Variants in DRC9 observed in about 807,000 individuals in gnomAD.
DRC9 encodes dynein regulatory complex protein 9.
the DRC9 span, among the ~76,000 whole-genome samples, chr3:197,935,302 T>C: frequency 1.3e-5 from 2 of 151,806 alleles, no homozygotes; most frequent in Non-Finnish European, 2.9e-5. Flanking sequence ...TAACCAGGCG[T>C]GGTGACGCAC....
At chr3:197,891,538 ACT>A in the DRC9 span, 1 of 1,578,644 alleles carries the variant, frequency 6.3e-7, no homozygotes, top group Non-Finnish European at 8.7e-7. Flanking sequence ...ACCTGTTCAT[ACT>A]CTCTTATCTG....
the DRC9 span, among the ~76,000 whole-genome samples, chr3:197,921,816 T>A: frequency 2.1e-5 from 3 of 144,838 alleles, no homozygotes; most frequent in Non-Finnish European, 4.4e-5. Flanking sequence ...TTTCAGTAAC[T>A]CTGGGGATTT....
chr3:197,902,311 C>T, the DRC9 span, among the ~76,000 whole-genome samples: 63 of 152,212 alleles, frequency 4.1e-4, no homozygotes, highest in Admixed American at 3.5e-3. Context: ...GCCCATATAC[C>T]GATGAACATC....
the DRC9 span, among the ~76,000 whole-genome samples, chr3:197,937,429 C>G: frequency 6.6e-6 from 1 of 151,800 alleles, no homozygotes; most frequent in East Asian, 1.9e-4. Flanking sequence ...AACCCTTACA[C>G]TAAGGTTGCA....
At chr3:197,955,953 AT>A in the DRC9 span, 1 of 620,530 alleles carries the variant, frequency 1.6e-6, no homozygotes, top group Non-Finnish European at 2.9e-6. Context: ...GAGTACAGAG[AT>A]TTAGAAGGGA....
chr3:197,956,800 TTTAG>T, the DRC9 span: 6 of 152,224 alleles, frequency 3.9e-5, no homozygotes, highest in African/African-American at 1.4e-4. Context: ...CAGTTAACTT[TTTAG>T]TTATTTGTGG....
At chr3:197,952,177 T>G in the DRC9 span, among the ~76,000 whole-genome samples, 4 of 140,552 alleles carry the variant, frequency 2.8e-5, no homozygotes, top group South Asian at 2.4e-4. Context: ...TTTTTTTTTT[T>G]TTTTTTTTTT....
chr3:197,912,941 G>C, the DRC9 span: 2 of 595,830 alleles, frequency 3.4e-6, no homozygotes, highest in Admixed American at 5.9e-5. Context: ...TGGACTGCGT[G>C]TGTCCCTAAC....
the DRC9 span, among the ~76,000 whole-genome samples, chr3:197,921,167 T>C: frequency 2.3e-5 from 3 of 128,810 alleles, no homozygotes; most frequent in East Asian, 6.5e-4. Context: ...CCTGATTTCA[T>C]CTTGGTCGAC....
At chr3:197,891,563 T>C in the DRC9 span, 5 of 1,399,594 alleles carry the variant, frequency 3.6e-6, no homozygotes, top group Non-Finnish European at 5.1e-6. Flanking sequence ...AAGATAGACA[T>C]TCATCATTTA....
chr3:197,897,735 G>A, the DRC9 span, among the ~76,000 whole-genome samples: 6 of 150,048 alleles, frequency 4.0e-5, no homozygotes, highest in African/African-American at 1.2e-4. Context: ...CCATAAATCC[G>A]AATAAGAGCT....
the DRC9 span, among the ~76,000 whole-genome samples, chr3:197,948,611 C>T: frequency 2.0e-5 from 3 of 152,200 alleles, no homozygotes; most frequent in African/African-American, 7.2e-5. Context: ...TTTGACAAAT[C>T]AATATCTAAT....
chr3:197,913,398 A>G, the DRC9 span: 2 of 256,950 alleles, frequency 7.8e-6, no homozygotes, highest in East Asian at 1.9e-4. Context: ...AAGAAGATCT[A>G]CCACTTCTTT....
chr3:197,934,842 G>A, the DRC9 span, among the ~76,000 whole-genome samples: 1 of 144,738 alleles, frequency 6.9e-6, no homozygotes, highest in African/African-American at 2.6e-5. Context: ...AAAAAAGGCT[G>A]GTCATGGTGG....
the DRC9 span, among the ~76,000 whole-genome samples, chr3:197,946,909 G>A: frequency 6.6e-6 from 1 of 151,860 alleles, no homozygotes. Flanking sequence ...TGCAACCTCT[G>A]CCTCCCAGGT....
chr3:197,935,313 G>T, the DRC9 span, among the ~76,000 whole-genome samples: 2 of 151,862 alleles, frequency 1.3e-5, no homozygotes, highest in Non-Finnish European at 1.5e-5. Flanking sequence ...GGTGACGCAC[G>T]CCAGTAATCC....
chr3:197,903,382 C>T, the DRC9 span, among the ~76,000 whole-genome samples: 3 of 152,182 alleles, frequency 2.0e-5, no homozygotes, highest in Non-Finnish European at 4.4e-5. Context: ...TGTGGTGGCT[C>T]ACACCTGTAA....
the DRC9 span, among the ~76,000 whole-genome samples, chr3:197,954,632 C>T: frequency 6.6e-6 from 1 of 152,144 alleles, no homozygotes; most frequent in African/African-American, 2.4e-5. Context: ...GCCTCAGCCT[C>T]CCGAGTAGCT....
the DRC9 span, among the ~76,000 whole-genome samples, chr3:197,948,420 C>T: frequency 6.6e-6 from 1 of 152,302 alleles, no homozygotes; most frequent in South Asian, 2.1e-4. Flanking sequence ...ACGTTAGTGT[C>T]AGTTTCCCCC....
Sources: gnomAD v4.1 joint callset for allele counts (sites outside exome capture counted in the v4.1 genomes callset) on GRCh38, gnomAD v4.1.1 for gene constraint, MANE v1.5 for transcripts, NCBI Gene and HGNC (gene_info 2026-07-23, HGNC 2026-07-21) for gene names.